Variants in MYO15A observed in about 807,000 individuals in gnomAD.
MYO15A encodes the protein unconventional myosin-XV.
MYO15A carries 308 observed loss-of-function variants against 394.6 expected under a neutral mutation model. That is an observed-to-expected ratio of 0.78 (90% CI 0.71 to 0.86). The LOEUF (loss-of-function observed/expected upper bound fraction) is 0.86. MYO15A is among the 40% of genes least tolerant of loss of function. The probability of loss-of-function intolerance (pLI) is 0.00; values close to 1 mark genes in which losing one functional copy is unlikely to be tolerated. For synonymous variants in MYO15A, 1,957 were observed against 2,003.8 expected, an observed-to-expected ratio of 0.98 and a Z score of 0.62; for missense variants, 4,606 against 4,799.1, an observed-to-expected ratio of 0.96 and a Z score of 1.19.
chr17:18,168,374 G>A (rs541279249), intron 62 of MYO15A, among the ~76,000 whole-genome samples: 2 of 152,028 alleles, frequency 1.3e-5, no homozygotes, highest in African/African-American at 4.8e-5. Context: ...GACCATCCTG[G>A]CTAACATGGT....
rs1291133487 is a variant in MYO15A at position 18,144,530 on chromosome 17, A to C, written c.6211A>C (p.Arg2071=). 6.2e-7 allele frequency: 1 copy of C among 1,613,314 alleles called. No homozygotes were observed. Among genetic ancestry groups the C allele is most frequent in the Non-Finnish European group, 8.5e-7 (1 of 1,180,012 alleles). The change falls in exon 29 of 66, where the codon AGG becomes CGG. Residue 2071 remains arginine, a synonymous_variant. Coordinates refer to ENST00000647165, the MANE Select transcript of MYO15A (RefSeq NM_016239.4). ...CTTTGGGATGCTGACAGTGCCCCTG[A>C]GGACACCCCTCACGCAGCTGCCAGC... ...PAFGMLTVPL[R]TPLTQLPAEH... is the part of the protein sequence containing the mutation.
chr17:18,156,909 G>A (rs760288000), intron 48 of MYO15A, 45 bp from the exon 49 acceptor site: 5 of 1,533,800 alleles, frequency 3.3e-6, no homozygotes, highest in South Asian at 1.1e-5. Context: ...CTCTGGGAGT[G>A]GGGTGATAGG....
Position 18,121,889 on chromosome 17 carries a change from C to T in MYO15A, c.3089C>T (p.Pro1030Leu), listed in dbSNP as rs775134090. 2.5e-6 allele frequency: 4 copies of T among 1,612,928 alleles called. No homozygotes were observed. The South Asian group carries it at 4.4e-5, about 18-fold the overall frequency. Residue 1030 changes from proline (P) to leucine (L), a missense_variant, in exon 2 of 66, where the codon CCA (proline) becomes CTA (leucine). By Grantham distance (98) the Pro-to-Leu change is moderately conservative. This residue lies in a region of MYO15A where 1,830 missense variants were observed against 1,689.7 expected (regional missense o/e 1.08). Coordinates refer to ENST00000647165, the MANE Select transcript of MYO15A (RefSeq NM_016239.4). This position sits in a 1 kb window ranked among gnomAD's most constrained non-coding sequence, Gnocchi z 5.3. ...DPQLPAETKP[P>L]TPAPPKDVTP... ...CAGCTGCCAGCAGAGACCAAGCCTC[C>T]AACCCCAGCACCTCCCAAGGATGTC... is the stretch of plus-strand genomic sequence containing the variant.
At chr17:18,151,627 C>T (rs1656946991) in intron 40 of MYO15A, 100 bp downstream of exon 40, 2 of 1,497,532 alleles carry the variant, frequency 1.3e-6, no homozygotes, top group African/African-American at 2.8e-5. Context: ...CTGCCCAGCT[C>T]CTGTTAGGGA....
At chr17:18,114,053 C>T (rs1399532227) in intron 1 of MYO15A, among the ~76,000 whole-genome samples, 3 of 152,114 alleles carry the variant, frequency 2.0e-5, no homozygotes, top group South Asian at 4.1e-4. Context: ...CCCATAAGGA[C>T]GTGTAAGAGA....
rs2045804336 is a variant in MYO15A, at chr17:18,117,329, T to C, written c.-219-1253T>C. 6.6e-6 allele frequency among the ~76,000 whole-genome samples: 1 copy of C among 152,214 alleles called. No individual in the cohort carries two copies. The highest frequency in any genetic ancestry group is 6.5e-5 in the Admixed American group (1 of 15,294). The stretch of plus-strand genomic sequence containing the variant: ...ACTTGCTGCATGGTCCCCTCTCTGC[T>C]CCTGCCACTTACCTGGGAAGGCCTC... On this transcript the variant is annotated intron_variant, in intron 1 of 65. Coordinates refer to ENST00000647165, the MANE Select transcript of MYO15A (RefSeq NM_016239.4). This position sits in a 1 kb window ranked among gnomAD's most constrained non-coding sequence, Gnocchi z 4.1.
intron 40 of MYO15A, 146 bp from the exon 41 acceptor site, chr17:18,151,700 G>T (rs1370931397): frequency 5.3e-6 from 6 of 1,140,628 alleles, no homozygotes; most frequent in Middle Eastern, 2.1e-4. Flanking sequence ...TGTGCTGTAG[G>T]ACTTCAGGCC....
At chr17:18,145,312 G>A (rs1262488300) in intron 29 of MYO15A, among the ~76,000 whole-genome samples, 1 of 151,958 alleles carries the variant, frequency 6.6e-6, no homozygotes, top group Non-Finnish European at 1.5e-5. Context: ...GGGGGCTAGG[G>A]CTGCATGGGG....
At position 18,137,645 on chromosome 17, in the gene MYO15A, A is replaced by G. The variant is rs374345215; in HGVS notation, c.4841A>G (p.Tyr1614Cys). 2 of 1,614,226 alleles carry G rather than the reference A, an allele frequency of 1.2e-6. No individual in the cohort carries two copies. Among genetic ancestry groups the G allele is most frequent in the Non-Finnish European group, 1.7e-6 (2 of 1,180,040 alleles). The stretch of plus-strand genomic sequence containing the variant: ...AACTACGCAAACGAGAACCTTCAGT[A>G]CCTTTTCAACAAGATCGTCTTCCAG... ...CINYANENLQ[Y>C]LFNKIVFQEE... Residue 1614 changes from tyrosine to cysteine, a missense_variant, in exon 16 of 66, where the codon TAC (tyrosine) becomes TGC (cysteine). Tyr to Cys is a radical substitution (Grantham distance 194). This residue lies in a region of MYO15A where 2,776 missense variants were observed against 3,109.3 expected (regional missense o/e 0.89). Coordinates refer to ENST00000647165, the MANE Select transcript of MYO15A (RefSeq NM_016239.4).
Position 18,154,123 on chromosome 17 carries a change from C to T in MYO15A, c.8089-8C>T. The T allele has an allele frequency of 6.2e-7, 1 of 1,613,960 alleles. No homozygotes were observed. The highest frequency in any genetic ancestry group is 8.5e-7 in the Non-Finnish European group (1 of 1,180,030). The stretch of plus-strand genomic sequence containing the variant: ...CGGACAGTACCCACTGAAGCCCCGC[C>T]CCTGCAGGTGTTTTACCCCAAGGAC... On this transcript the variant is annotated splice_region_variant and splice_polypyrimidine_tract_variant and intron_variant, in intron 43 of 65. Coordinates refer to ENST00000647165, the MANE Select transcript of MYO15A (RefSeq NM_016239.4).
In MYO15A at chr17:18,136,614, C is replaced by G. The variant is rs774401923; in HGVS notation, c.4707C>G (p.Thr1569=). ...LYALLFSWLI[T]RVNALVSPRQ... is the part of the protein sequence containing the mutation. ...CACTGCTGTTCAGCTGGCTCATCAC[C>G]AGGGTCAACGCGCTGGTGTCCCCAA... Residue 1569 remains threonine, a synonymous_variant, in exon 15 of 66, where the codon ACC becomes ACG. Transcript: ENST00000647165. 2 of 1,613,950 alleles carry G rather than the reference C, an allele frequency of 1.2e-6. No individual in the cohort carries two copies. The highest frequency in any genetic ancestry group is 3.3e-5 in the Admixed American group (2 of 60,032).
intron 50 of MYO15A, 133 bp from the exon 51 acceptor site, chr17:18,157,589 T>C (rs2046698096): frequency 2.0e-6 from 3 of 1,483,364 alleles, no homozygotes; most frequent in East Asian, 2.4e-5. Context: ...ATCTGTAAAA[T>C]GGGTTTGATG....
At chr17:18,136,250 G>A (rs1440266727) in intron 13 of MYO15A, among the ~76,000 whole-genome samples, 167 bp from the exon 14 acceptor site, 3 of 152,118 alleles carry the variant, frequency 2.0e-5, no homozygotes, top group Non-Finnish European at 4.4e-5. Context: ...GCATTTCCAG[G>A]CAGAGTCAGA....
chr17:18,164,674 TACTAAAAATTAGCCA>T (rs1184141021), intron 60 of MYO15A: 1 of 149,148 alleles, frequency 6.7e-6, no homozygotes, highest in Admixed American at 6.7e-5. Flanking sequence ...GCCCCATCTC[TACTAAAAATTAGCCA>T]ACCATGGTAG....
At chr17:18,129,853 C>T (rs1597774649) in intron 7 of MYO15A, among the ~76,000 whole-genome samples, 2 of 152,078 alleles carry the variant, frequency 1.3e-5, no homozygotes, top group African/African-American at 4.8e-5. Flanking sequence ...CAGCTCTGCC[C>T]GTGAGATGGT....
chr17:18,140,227 A>G (rs1415633183), intron 19 of MYO15A, among the ~76,000 whole-genome samples: 1 of 152,184 alleles, frequency 6.6e-6, no homozygotes, highest in East Asian at 1.9e-4. Flanking sequence ...AGAGTTCACA[A>G]CCATGTATCT....
intron 1 of MYO15A, 109 bp downstream of exon 1, chr17:18,108,933 C>T: frequency 6.6e-6 from 1 of 152,588 alleles, no homozygotes; most frequent in East Asian, 1.9e-4. Context: ...GGGCCTCGCC[C>T]CTAACTCATC....
At chr17:18,114,033 T>C (rs2045755282) in intron 1 of MYO15A, among the ~76,000 whole-genome samples, 1 of 152,190 alleles carries the variant, frequency 6.6e-6, no homozygotes, top group Non-Finnish European at 1.5e-5. Flanking sequence ...GCTCTGTTTG[T>C]GTGTCCTTAC....
chr17:18,124,427 A>G, intron 2 of MYO15A, 56 bp from the exon 3 acceptor site: 1 of 1,573,244 alleles, frequency 6.4e-7, no homozygotes, highest in Non-Finnish European at 8.6e-7. Flanking sequence ...GCCAGGGGTC[A>G]GTGGGGGAGG....
Sources: allele counts gnomAD v4.1 joint callset (sites outside exome capture counted in the v4.1 genomes callset), GRCh38; gene constraint gnomAD v4.1.1; regional missense constraint gnomAD v4.1.1; non-coding constraint Gnocchi (gnomAD v3.1); transcripts MANE v1.5; gene names NCBI Gene and HGNC (gene_info 2026-07-23, HGNC 2026-07-21).